The following TRDN variants were observed in gnomAD, a reference collection of about 807,000 sequenced individuals.
The protein encoded by TRDN is triadin in skeletal muscle.
TRDN carries 161 observed loss-of-function variants against 149.7 expected under a neutral mutation model. That is an observed-to-expected ratio of 1.08 (90% confidence interval 0.95 to 1.23). TRDN has a LOEUF of 1.23. Ranked by LOEUF, TRDN falls within the 50% of genes most tolerant of loss-of-function variation. TRDN has a pLI of 0.00. For missense variants in TRDN, 896 were observed against 823.5 expected, an observed-to-expected ratio of 1.09 and a Z score of -1.08; for synonymous variants, 294 against 250.5, an observed-to-expected ratio of 1.17 and a Z score of -1.64.
intron 24 of TRDN, among the ~76,000 whole-genome samples, chr6:123,286,946 C>T (rs1471581665): frequency 1.3e-5 from 2 of 152,034 alleles, no homozygotes; most frequent in African/African-American, 2.4e-5. Flanking sequence ...AGGAATTTGT[C>T]ACTTAACATC....
chr6:123,298,130 CA>C (rs1778271286), intron 24 of TRDN, among the ~76,000 whole-genome samples: 2 of 151,874 alleles, frequency 1.3e-5, no homozygotes, highest in Non-Finnish European at 2.9e-5. Context: ...ATATATTGAG[CA>C]TTACAAATAG....
Position 123,602,433 on chromosome 6 carries a change from G to C in TRDN, c.23-31301C>G, listed in dbSNP as rs571898108. On this transcript the variant is annotated intron_variant, in intron 1 of 40. Transcript: ENST00000334268. ...GGACTTTGAGGACACAGAGGGAAGG[G>C]TTGTAGGGGGGAACGAGGGATAAAA... is the stretch of plus-strand genomic sequence containing the variant. 1.5e-3 allele frequency among the ~76,000 whole-genome samples: 159 copies of C among 107,166 alleles called. 3 individuals carry two copies. The highest frequency in any genetic ancestry group is 4.0e-3 in the African/African-American group (145 of 36,382). 70.3% of individuals were successfully genotyped at this position (107,166 alleles called of 152,430 possible).
At chr6:123,227,827 A>T (rs1775443302) in intron 38 of TRDN, among the ~76,000 whole-genome samples, 2 of 151,908 alleles carry the variant, frequency 1.3e-5, no homozygotes, top group Non-Finnish European at 2.9e-5. Context: ...GGCTCACTGC[A>T]ACCTCCGAGG....
chr6:123,587,612 T>A (rs1340433979), intron 1 of TRDN, among the ~76,000 whole-genome samples: 1 of 152,102 alleles, frequency 6.6e-6, no homozygotes. Flanking sequence ...AAATTTCATG[T>A]GCGTCCGTGT....
intron 1 of TRDN, among the ~76,000 whole-genome samples, chr6:123,593,460 G>A (rs1409817840): frequency 6.6e-6 from 1 of 152,194 alleles, no homozygotes; most frequent in East Asian, 1.9e-4. Context: ...ACCACAAACT[G>A]GGTGACTTAC....
At chr6:123,619,603 G>A (rs1785276892) in intron 1 of TRDN, among the ~76,000 whole-genome samples, 1 of 152,096 alleles carries the variant, frequency 6.6e-6, no homozygotes, top group South Asian at 2.1e-4. Context: ...TTAACGGGAG[G>A]AAAAGTAGAC....
intron 4 of TRDN, among the ~76,000 whole-genome samples, chr6:123,533,364 T>C (rs1048392600): frequency 4.6e-5 from 7 of 151,792 alleles, no homozygotes; most frequent in Non-Finnish European, 4.4e-5. Flanking sequence ...GAATAAGACG[T>C]GGGTTAGACT....
intron 33 of TRDN, among the ~76,000 whole-genome samples, chr6:123,262,684 A>G (rs1422372472): frequency 3.3e-5 from 5 of 152,020 alleles, no homozygotes; most frequent in African/African-American, 9.7e-5. Flanking sequence ...AATTTTTCCA[A>G]TGGCGTTTGC....
At chr6:123,331,741 T>C (rs1779667167) in intron 23 of TRDN, 138 bp downstream of exon 23, 2 of 548,376 alleles carry the variant, frequency 3.6e-6, no homozygotes, top group African/African-American at 1.9e-5. Flanking sequence ...AATATAAATC[T>C]TTTTTCTTTT....
intron 24 of TRDN, among the ~76,000 whole-genome samples, chr6:123,300,984 A>ATGTTTCTCTTG (rs1778376646): frequency 6.6e-6 from 1 of 151,992 alleles, no homozygotes; most frequent in East Asian, 1.9e-4. Context: ...TCATTCAAAT[A>ATGTTTCTCTTG]CATTAACTGG....
intron 24 of TRDN, among the ~76,000 whole-genome samples, chr6:123,305,981 G>A (rs1169252953): frequency 6.6e-6 from 1 of 152,090 alleles, no homozygotes; most frequent in East Asian, 1.9e-4. Flanking sequence ...GATATGTTTT[G>A]TTGGTTACCT....
At chr6:123,360,266 G>C (rs1458027968) in intron 20 of TRDN, among the ~76,000 whole-genome samples, 1 of 152,098 alleles carries the variant, frequency 6.6e-6, no homozygotes, top group African/African-American at 2.4e-5. Context: ...ATGATATAGG[G>C]CAGAGTTTCA....
Position 123,497,928 on chromosome 6 carries a change from A to AC in TRDN, c.794-677_794-676insG, listed in dbSNP as rs371817492. Among the ~76,000 whole-genome samples, 533 of 152,204 alleles carry AC rather than the reference A, an allele frequency of 3.5e-3. 2 individuals are homozygous for AC. The highest frequency in any genetic ancestry group is 5.0e-3 in the Non-Finnish European group (341 of 67,998). On this transcript the variant is annotated intron_variant, in intron 8 of 40. Transcript: ENST00000334268. The stretch of plus-strand genomic sequence containing the variant: ...ATGGTGAAAGTAAACAAACAAACAA[A>AC]AAAAACATAGTATGTAAACATCATT...
At chr6:123,390,244 CTG>C (rs1782056483) in intron 13 of TRDN, among the ~76,000 whole-genome samples, 1 of 152,128 alleles carries the variant, frequency 6.6e-6, no homozygotes, top group African/African-American at 2.4e-5. Flanking sequence ...TTTAGCAAAA[CTG>C]TAGTTTCTTA....
intron 1 of TRDN, among the ~76,000 whole-genome samples, chr6:123,581,475 T>C (rs1425885703): frequency 6.6e-6 from 1 of 152,198 alleles, no homozygotes; most frequent in Non-Finnish European, 1.5e-5. Flanking sequence ...CCAATAGTTA[T>C]TAAATATGAG....
intron 6 of TRDN, among the ~76,000 whole-genome samples, chr6:123,512,973 C>T (rs1340743623): frequency 1.3e-5 from 2 of 152,038 alleles, no homozygotes; most frequent in Non-Finnish European, 2.9e-5. Context: ...TTAAGAAATG[C>T]TTAAAATATG....
chr6:123,299,074 A>G (rs1778311031), intron 24 of TRDN, among the ~76,000 whole-genome samples: 1 of 151,968 alleles, frequency 6.6e-6, no homozygotes, highest in East Asian at 1.9e-4. Flanking sequence ...GCATGCTTTA[A>G]TTGTTAAGAT....
At chr6:123,417,321 G>T (rs1469172817) in intron 12 of TRDN, among the ~76,000 whole-genome samples, 1 of 152,046 alleles carries the variant, frequency 6.6e-6, no homozygotes, top group Non-Finnish European at 1.5e-5. Context: ...AAAATTTTTT[G>T]ATCCCTATTA....
At chr6:123,499,575 G>C (rs919675055) in intron 8 of TRDN, among the ~76,000 whole-genome samples, 9 of 149,724 alleles carry the variant, frequency 6.0e-5, no homozygotes, top group African/African-American at 2.2e-4. Flanking sequence ...ATGGTGGAGG[G>C]CACCTGTAAT....
Sources: gnomAD v4.1 joint callset for allele counts (sites outside exome capture counted in the v4.1 genomes callset) on GRCh38, gnomAD v4.1.1 for gene constraint, MANE v1.5 for transcripts, NCBI Gene and HGNC (gene_info 2026-07-23, HGNC 2026-07-21) for gene names.